KIAA0825: variants seen among roughly 807,000 people sequenced by gnomAD.
KIAA0825 encodes uncharacterized protein KIAA0825.
Under a neutral mutation model 147.6 loss-of-function variants are expected in KIAA0825, and 119 were observed. That is an observed-to-expected ratio of 0.81 (90% confidence interval 0.69 to 0.94). KIAA0825 has a LOEUF of 0.94. Ranked by LOEUF, KIAA0825 falls within the 40% of genes least tolerant of loss-of-function variation. KIAA0825 has a pLI of 0.00. For missense variants in KIAA0825, 1,381 were observed against 1,472.7 expected (o/e 0.94, Z 1.02); for synonymous variants, 470 against 518.1 (o/e 0.91, Z 1.26).
intron 20 of KIAA0825, among the ~76,000 whole-genome samples, chr5:94,357,082 GA>G (rs1784366172): frequency 6.6e-6 from 1 of 152,050 alleles, no homozygotes; most frequent in Non-Finnish European, 1.5e-5. Context: ...TAGAGAGCTC[GA>G]AAGAAAGAGA....
chr5:94,347,454 C>T (rs562422045), intron 20 of KIAA0825, among the ~76,000 whole-genome samples: 1 of 152,312 alleles, frequency 6.6e-6, no homozygotes, highest in Admixed American at 6.5e-5. Flanking sequence ...GCTGAGAGAC[C>T]CATAGACAGT....
At chr5:94,294,189 T>C (rs1247349963) in intron 20 of KIAA0825, among the ~76,000 whole-genome samples, 1 of 152,226 alleles carries the variant, frequency 6.6e-6, no homozygotes, top group African/African-American at 2.4e-5. Flanking sequence ...AGCTGGTTAT[T>C]TTGCCCATTA....
chr5:94,517,205 T>A (rs1285088149), intron 5 of KIAA0825, among the ~76,000 whole-genome samples: 1 of 152,216 alleles, frequency 6.6e-6, no homozygotes, highest in Non-Finnish European at 1.5e-5. Context: ...CAAGCTAATA[T>A]ACCAAATAAT....
intron 20 of KIAA0825, among the ~76,000 whole-genome samples, chr5:94,362,957 T>C (rs1745278406): frequency 6.6e-6 from 1 of 152,192 alleles, no homozygotes; most frequent in African/African-American, 2.4e-5. Flanking sequence ...TACAAAGCTA[T>C]CTATTCCGTA....
chr5:94,199,265 G>T (rs930229665), intron 20 of KIAA0825, among the ~76,000 whole-genome samples: 1 of 152,154 alleles, frequency 6.6e-6, no homozygotes, highest in African/African-American at 2.4e-5. Flanking sequence ...TATAAGTTGG[G>T]TTTATTCAAC....
chr5:94,281,622 C>T (rs138816277), intron 20 of KIAA0825, among the ~76,000 whole-genome samples: 72 of 152,200 alleles, frequency 4.7e-4, no homozygotes, highest in African/African-American at 1.6e-3. Context: ...GTTAGGGCTG[C>T]CTCCTGCATT....
At chr5:94,612,311 A>G (rs1683458740) in intron 1 of KIAA0825, among the ~76,000 whole-genome samples, 1 of 152,212 alleles carries the variant, frequency 6.6e-6, no homozygotes, top group Non-Finnish European at 1.5e-5. Flanking sequence ...GATCATTTTT[A>G]CTAATACCTA....
At chr5:94,335,317 A>G (rs1041456747) in intron 20 of KIAA0825, among the ~76,000 whole-genome samples, 2 of 152,098 alleles carry the variant, frequency 1.3e-5, no homozygotes, top group Admixed American at 6.5e-5. Context: ...GGAACATGCT[A>G]TATGTCTTCA....
intron 20 of KIAA0825, among the ~76,000 whole-genome samples, chr5:94,286,805 C>T (rs746205311): frequency 3.3e-5 from 5 of 152,248 alleles, no homozygotes; most frequent in African/African-American, 4.8e-5. Context: ...TGTCTTGAAA[C>T]GCTGGCTTCA....
In KIAA0825 at chr5:94,520,224, A is replaced by G. The variant is rs772846407; in HGVS notation, c.970+24T>C. The G allele has an allele frequency of 1.0e-5, 16 of 1,544,250 alleles. No homozygotes were observed. In the Middle Eastern group the frequency reaches 5.2e-4, roughly 50 times the overall value. ...TATTAAAAGACTTAAGTTAAACCAAACAAAAATTTTAAATGTCACTAACCC... is the reference window on the plus strand; with the variant it reads ...TATTAAAAGACTTAAGTTAAACCAAGCAAAAATTTTAAATGTCACTAACCC... On this transcript the variant is annotated intron_variant, in intron 5 of 20. Transcript: ENST00000682413.
chr5:94,340,572 T>C (rs1444679809), intron 20 of KIAA0825, among the ~76,000 whole-genome samples: 4 of 152,210 alleles, frequency 2.6e-5, no homozygotes, highest in Non-Finnish European at 5.9e-5. Flanking sequence ...AAGTTCATGG[T>C]GGAAGACAAT....
At chr5:94,598,384 T>C (rs1052866362) in intron 1 of KIAA0825, among the ~76,000 whole-genome samples, 9 of 152,092 alleles carry the variant, frequency 5.9e-5, no homozygotes, top group Non-Finnish European at 1.3e-4. Flanking sequence ...AAGGTTTTCA[T>C]GGGCAATAAC....
At chr5:94,374,106 T>C (rs1747163648) in intron 20 of KIAA0825, among the ~76,000 whole-genome samples, 1 of 152,220 alleles carries the variant, frequency 6.6e-6, no homozygotes, top group Non-Finnish European at 1.5e-5. Context: ...GAATGTACTC[T>C]ATACAAGCAA....
intron 20 of KIAA0825, among the ~76,000 whole-genome samples, chr5:94,273,085 C>CT (rs1777065511): frequency 6.6e-6 from 1 of 152,124 alleles, no homozygotes; most frequent in Non-Finnish European, 1.5e-5. Flanking sequence ...CTGGTTCTAC[C>CT]ATTTACTAGT....
At chr5:94,615,395 A>C (rs1401328867) in intron 1 of KIAA0825, among the ~76,000 whole-genome samples, 3 of 152,192 alleles carry the variant, frequency 2.0e-5, no homozygotes, top group African/African-American at 7.2e-5. Context: ...ATTCAACTGG[A>C]GGCTAGCAAA....
chr5:94,230,410 G>A (rs1308432338), intron 20 of KIAA0825, among the ~76,000 whole-genome samples: 1 of 152,134 alleles, frequency 6.6e-6, no homozygotes, highest in African/African-American at 2.4e-5. Context: ...AAGATAACCA[G>A]TGCTTCTGAA....
At chr5:94,188,925 T>C (rs945634068) in intron 20 of KIAA0825, among the ~76,000 whole-genome samples, 9 of 152,224 alleles carry the variant, frequency 5.9e-5, no homozygotes, top group African/African-American at 1.7e-4. Flanking sequence ...TACATCTTTG[T>C]CAACACTTAT....
At chr5:94,320,372 T>C (rs757805482) in intron 20 of KIAA0825, among the ~76,000 whole-genome samples, 8 of 151,946 alleles carry the variant, frequency 5.3e-5, no homozygotes, top group Non-Finnish European at 1.2e-4. Flanking sequence ...TTGAAACATA[T>C]GATACATTGT....
intron 1 of KIAA0825, chr5:94,593,117 T>C: frequency 4.0e-6 from 3 of 741,714 alleles, no homozygotes; most frequent in Non-Finnish European, 7.6e-6. Context: ...GGCAATACCC[T>C]GGTGAATGTG....
Sources: allele counts gnomAD v4.1 joint callset (sites outside exome capture counted in the v4.1 genomes callset), GRCh38; gene constraint gnomAD v4.1.1; transcripts MANE v1.5; gene names NCBI Gene and HGNC (gene_info 2026-07-23, HGNC 2026-07-21).